Variants in TRIM36 observed in about 807,000 individuals in gnomAD.
TRIM36 encodes the protein E3 ubiquitin-protein ligase TRIM36.
In TRIM36, 42 loss-of-function variants were observed where a neutral mutation model predicts 72.4. That is an observed-to-expected ratio of 0.58 (90% CI 0.45 to 0.75). TRIM36 has a LOEUF of 0.75. Among genes scored for constraint, TRIM36 ranks in the 30% least tolerant of loss-of-function variants. The pLI, the probability that TRIM36 is intolerant of heterozygous loss-of-function variation, is 0.00. For missense variants in TRIM36, 913 were observed against 857.1 expected (o/e 1.07, Z -0.81); for synonymous variants, 315 against 282.8 (o/e 1.11, Z -1.14).
Position 115,126,611 on chromosome 5 carries a change from C to T in TRIM36, c.2043G>A (p.Val681=). 6.2e-7 allele frequency: 1 copy of T among 1,614,152 alleles called. No individual in the cohort carries two copies. Among genetic ancestry groups the T allele is most frequent in the Non-Finnish European group, 8.5e-7 (1 of 1,180,012 alleles). Residue 681 remains valine (V), a synonymous_variant, in exon 10 of 10, where the codon GTG becomes GTA. Coordinates refer to ENST00000513154, the MANE Select transcript of TRIM36 (RefSeq NM_001300759.2). ...CTGGATACAGTGTATGTGAACAGTC[C>T]ACTTGGCGTTCATAAAGGCATTTCA... The part of the protein sequence containing the change: ...DQMKCLYERQ[V]DCSHTLYPAF...
At chr5:115,172,671 G>A (rs1158417869), upstream of TRIM36, among the ~76,000 whole-genome samples, 1 of 152,106 alleles carries the variant, frequency 6.6e-6, no homozygotes, top group Non-Finnish European at 1.5e-5. Context: ...GGGAGGCAGA[G>A]GTTGCAGTGA....
At chr5:115,133,795 G>A in intron 8 of TRIM36, 65 bp downstream of exon 8, 1 of 1,489,232 alleles carries the variant, frequency 6.7e-7, no homozygotes, top group Non-Finnish European at 9.0e-7. Context: ...ATACTGACTA[G>A]TTTATTTTAT....
intron 1 of TRIM36, among the ~76,000 whole-genome samples, chr5:115,164,187 G>C (rs191912268): frequency 4.0e-4 from 61 of 152,274 alleles, no homozygotes; most frequent in Non-Finnish European, 6.3e-4. Flanking sequence ...AATAACAGGA[G>C]CTATTAAACA....
At position 115,130,693 on chromosome 5, in the gene TRIM36, G is replaced by A. The variant is rs751190374; in HGVS notation, c.1695C>T (p.Ala565=). ...TGITKGKHFW[A]FRVEPYSYLV... is the part of the protein sequence containing the mutation. ...GGTATGAATATGGTTCCACACGGAA[G>A]GCCCAGAAGTGTTTTCCTTTTGTAA... The change falls in exon 9 of 10, where the codon GCC becomes GCT. Residue 565 remains alanine, a synonymous_variant. Coordinates refer to ENST00000513154, the MANE Select transcript of TRIM36 (RefSeq NM_001300759.2). 10 of 1,614,118 alleles carry A rather than the reference G, an allele frequency of 6.2e-6. No individual in the cohort carries two copies. The highest frequency in any genetic ancestry group is 7.6e-6 in the Non-Finnish European group (9 of 1,180,028).
chr5:115,156,561 T>C (rs530621710), intron 2 of TRIM36, among the ~76,000 whole-genome samples: 1 of 152,108 alleles, frequency 6.6e-6, no homozygotes, highest in African/African-American at 2.4e-5. Context: ...AACAGAAAAG[T>C]GGGTAAAGGA....
intron 1 of TRIM36, among the ~76,000 whole-genome samples, chr5:115,166,338 C>T (rs753294840): frequency 1.3e-5 from 2 of 152,164 alleles, no homozygotes; most frequent in Non-Finnish European, 1.5e-5. Flanking sequence ...GATGATAGGA[C>T]GACCTGCCTG....
At chr5:115,168,059 C>T (rs776473933) in intron 1 of TRIM36, among the ~76,000 whole-genome samples, 23 of 152,064 alleles carry the variant, frequency 1.5e-4, no homozygotes, top group Admixed American at 5.9e-4. Flanking sequence ...ATCACGAAAA[C>T]AGCATGGGGG....
At chr5:115,145,533 T>TTATTTATTTATC (rs577352835) in intron 3 of TRIM36, among the ~76,000 whole-genome samples, 7,193 of 151,822 alleles carry the variant, frequency 0.047, 625 homozygotes, top group African/African-American at 0.17. Context: ...ATTTATTTAT[T>TTATTTATTTATC]TATTTATTTT....
intron 1 of TRIM36, chr5:115,177,476 C>T (rs370957688): frequency 8.4e-7 from 1 of 1,187,342 alleles, no homozygotes; most frequent in South Asian, 2.2e-5. Flanking sequence ...ACATTACAAA[C>T]CCGAACTACA....
Position 115,137,088 on chromosome 5 carries a change from T to C in TRIM36, c.1122A>G (p.Arg374=). 1 of 1,608,004 alleles carries C rather than the reference T, an allele frequency of 6.2e-7. No homozygotes were observed. The highest frequency in any genetic ancestry group is 8.5e-7 in the Non-Finnish European group (1 of 1,178,144). Residue 374 remains arginine (R), a synonymous_variant, in exon 7 of 10, where the codon AGA becomes AGG. Coordinates refer to ENST00000513154, the MANE Select transcript of TRIM36 (RefSeq NM_001300759.2). ...CTTCAAAAGAAGTCTGAGCTGCAGG[T>C]CTAAAGCTCTTCAAAGATTCTGTGG... ...QKATESLKSF[R]PAAQTSFEDY... is the part of the protein sequence containing the mutation.
intron 2 of TRIM36, among the ~76,000 whole-genome samples, chr5:115,148,576 A>T (rs1185832137): frequency 6.6e-6 from 1 of 151,634 alleles, no homozygotes; most frequent in African/African-American, 2.4e-5. Flanking sequence ...ACACCTAGCT[A>T]ATTTTTATAT....
chr5:115,153,372 C>A (rs937988811), intron 2 of TRIM36, among the ~76,000 whole-genome samples: 1 of 151,998 alleles, frequency 6.6e-6, no homozygotes, highest in Admixed American at 6.6e-5. Flanking sequence ...AACACAGGGG[C>A]TCCCAAATTT....
At chr5:115,129,444 G>A (rs953136715) in intron 9 of TRIM36, among the ~76,000 whole-genome samples, 2 of 152,148 alleles carry the variant, frequency 1.3e-5, no homozygotes, top group Non-Finnish European at 2.9e-5. Context: ...TATAATCCCA[G>A]CTATTTGGGA....
intron 2 of TRIM36, among the ~76,000 whole-genome samples, chr5:115,152,500 GAA>G (rs1561436565): frequency 6.6e-6 from 1 of 152,098 alleles, no homozygotes; most frequent in African/African-American, 2.4e-5. Context: ...CCTAGATATC[GAA>G]ATACAAAAAG....
chr5:115,150,449 T>G (rs1013035193), intron 2 of TRIM36, among the ~76,000 whole-genome samples: 1 of 152,252 alleles, frequency 6.6e-6, no homozygotes, highest in Non-Finnish European at 1.5e-5. Flanking sequence ...ATTTCCATTA[T>G]AGTAGAAAGT....
In TRIM36 at chr5:115,146,378, A is replaced by G. The variant is rs73251521; in HGVS notation, c.588+691T>C. Among the ~76,000 whole-genome samples the G allele has an allele frequency of 1.8e-3, 279 of 152,318 alleles. 1 individual carries two copies. Among genetic ancestry groups the G allele is most frequent in the African/African-American group, 6.5e-3 (271 of 41,582 alleles). Reference sequence around the variant, plus strand: ...ATTTTCATACACAAGTCACTAAGTTATAAGGAGTAAGAACTTTGAAAAACT... The same window carrying G: ...ATTTTCATACACAAGTCACTAAGTTGTAAGGAGTAAGAACTTTGAAAAACT... On this transcript the variant is annotated intron_variant, in intron 3 of 9. Coordinates refer to ENST00000513154, the MANE Select transcript of TRIM36 (RefSeq NM_001300759.2).
intron 2 of TRIM36, among the ~76,000 whole-genome samples, chr5:115,162,848 T>A (rs1754556485): frequency 6.6e-6 from 1 of 152,194 alleles, no homozygotes; most frequent in African/African-American, 2.4e-5. Context: ...CTGCAGTATT[T>A]ATTTTCCTAT....
At chr5:115,164,460 C>T (rs1200660959) in intron 1 of TRIM36, among the ~76,000 whole-genome samples, 1 of 152,052 alleles carries the variant, frequency 6.6e-6, no homozygotes, top group Non-Finnish European at 1.5e-5. Flanking sequence ...CTAGGGAGTC[C>T]TCAAGAAACT....
intron 4 of TRIM36, among the ~76,000 whole-genome samples, chr5:115,143,324 C>T (rs1411045168): frequency 6.7e-6 from 1 of 149,888 alleles, no homozygotes. Context: ...AAAATTAGCC[C>T]TTAAAATTAA....
Sources: gnomAD v4.1 joint callset for allele counts (sites outside exome capture counted in the v4.1 genomes callset) on GRCh38, gnomAD v4.1.1 for gene constraint, MANE v1.5 for transcripts, NCBI Gene and HGNC (gene_info 2026-07-23, HGNC 2026-07-21) for gene names.